The following PLCE1 variants were observed in gnomAD, a reference collection of about 807,000 sequenced individuals.
PLCE1 encodes phospholipase C epsilon 1.
PLCE1 carries 119 observed loss-of-function variants against 242.8 expected under a neutral mutation model. The ratio of observed to expected loss-of-function variants is 0.49; its 90% CI spans 0.42 to 0.57. PLCE1 has a LOEUF of 0.57. Ranked by LOEUF, PLCE1 falls within the 20% of genes least tolerant of loss-of-function variation. The probability of loss-of-function intolerance (pLI) is 0.00; values close to 1 mark genes in which losing one functional copy is unlikely to be tolerated. For missense variants in PLCE1, 2,441 were observed against 2,788.8 expected (o/e 0.88, Z 2.81); for synonymous variants, 945 against 1,017.4 (o/e 0.93, Z 1.35).
At position 93,997,322 on chromosome 10, in the gene PLCE1, A is replaced by G. The variant is rs545477460; in HGVS notation, c.-365+3064A>G. 9.9e-4 allele frequency among the ~76,000 whole-genome samples: 151 copies of G among 152,358 alleles called. 1 individual carries two copies. The highest frequency in any genetic ancestry group is 3.6e-3 in the African/African-American group (149 of 41,592). On this transcript the variant is annotated intron_variant, in intron 1 of 32. Transcript: ENST00000371380. ...TATGGGCATATTTTATTTGCTGCAG[A>G]TACCATTGAAAGTGTTATGTAAGAT...
At chr10:94,190,418 G>A (rs1426717936) in intron 4 of PLCE1, among the ~76,000 whole-genome samples, 1 of 152,166 alleles carries the variant, frequency 6.6e-6, no homozygotes, top group Admixed American at 6.5e-5. Flanking sequence ...AGACCAGCCT[G>A]GGAAAAACAG....
At chr10:94,253,483 A>G (rs536082283) in intron 9 of PLCE1, among the ~76,000 whole-genome samples, 1 of 152,190 alleles carries the variant, frequency 6.6e-6, no homozygotes, top group East Asian at 1.9e-4. Flanking sequence ...CCTGCCAAGT[A>G]TCTGGGACCA....
At chr10:94,175,343 C>T (rs1215178352) in intron 4 of PLCE1, among the ~76,000 whole-genome samples, 1 of 151,050 alleles carries the variant, frequency 6.6e-6, no homozygotes, top group Non-Finnish European at 1.5e-5. Flanking sequence ...TATCCAGTTT[C>T]CCATTATCTA....
Position 94,329,370 on chromosome 10 carries a change from A to G in PLCE1, c.*1427A>G, listed in dbSNP as rs2054129079. 1 of 152,220 alleles carries G rather than the reference A, an allele frequency of 6.6e-6. No individual in the cohort carries two copies. Among genetic ancestry groups the G allele is most frequent in the African/African-American group, 2.4e-5 (1 of 41,466 alleles). The allele number at this position is 152,220 out of a possible 1,614,324, so 9.4% of individuals were successfully genotyped here. On this transcript the variant is annotated 3_prime_UTR_variant, in exon 33 of 33. Transcript: ENST00000371380. The stretch of plus-strand genomic sequence containing the variant: ...TTTGAATTTTAAGACACTTTTCTTC[A>G]AATTACAAAACACTAAAACTCACTC...
intron 17 of PLCE1, 152 bp from the exon 18 acceptor site, chr10:94,270,334 A>G (rs2051681107): frequency 1.4e-6 from 1 of 732,244 alleles, no homozygotes; most frequent in South Asian, 1.4e-5. Flanking sequence ...AAATGGCCTT[A>G]TCCTCATGCT....
At chr10:94,312,465 T>G (rs2053416753) in intron 27 of PLCE1, among the ~76,000 whole-genome samples, 1 of 152,218 alleles carries the variant, frequency 6.6e-6, no homozygotes, top group Non-Finnish European at 1.5e-5. Flanking sequence ...TTCATACACA[T>G]GTTACGTCAA....
chr10:94,251,073 A>G (rs1399402882), intron 8 of PLCE1, among the ~76,000 whole-genome samples: 1 of 152,184 alleles, frequency 6.6e-6, no homozygotes, highest in African/African-American at 2.4e-5. Context: ...ATCATTGGTC[A>G]AAGGAGGATA....
At position 94,308,783 on chromosome 10, in the gene PLCE1, G is replaced by A. The variant is rs184439372; in HGVS notation, c.6003+84G>A. The A allele has an allele frequency of 1.7e-3, 1,451 of 866,520 alleles. 21 individuals carry two copies. Among genetic ancestry groups the A allele is most frequent in the Non-Finnish European group, 1.5e-4 (76 of 500,850 alleles). 53.7% of individuals were successfully genotyped at this position (866,520 alleles called of 1,614,324 possible). A position where few individuals can be genotyped will look rare whatever the true frequency, so the allele number is the denominator to read the frequency against. ...TTTTTTGTGGCCCAGCAAAGTGGTC[G>A]GTGTGAGTTATTAATTAGGTAGCTA... On this transcript the variant is annotated intron_variant, in intron 27 of 32. Transcript: ENST00000371380.
chr10:94,328,247 A>T lies in PLCE1; in HGVS notation c.*304A>T, dbSNP rs899629411. 8.2e-6 allele frequency: 2 copies of T among 243,508 alleles called. No individual in the cohort carries two copies. Among genetic ancestry groups the T allele is most frequent in the Admixed American group, 9.3e-5 (2 of 21,538 alleles). 15.1% of individuals were successfully genotyped at this position (243,508 alleles called of 1,614,324 possible). Reference sequence around the variant, plus strand: ...TCAGCAAGCTTGTCTGTAAAGGGCCAAACAGTAAATATTTTAGGGCTGGGG... The same window carrying T: ...TCAGCAAGCTTGTCTGTAAAGGGCCTAACAGTAAATATTTTAGGGCTGGGG... On this transcript the variant is annotated 3_prime_UTR_variant, in exon 33 of 33. Transcript: ENST00000371380.
At chr10:94,063,387 C>A (rs1366343859) in intron 2 of PLCE1, among the ~76,000 whole-genome samples, 1 of 152,182 alleles carries the variant, frequency 6.6e-6, no homozygotes, top group African/African-American at 2.4e-5. Flanking sequence ...AAGGCCCTTG[C>A]TATCGCATTG....
chr10:94,244,630 T>C (rs1460557444), intron 7 of PLCE1, among the ~76,000 whole-genome samples: 3 of 152,230 alleles, frequency 2.0e-5, no homozygotes, highest in African/African-American at 7.2e-5. Context: ...AATCTAAGGT[T>C]GAGTCCAGGA....
intron 13 of PLCE1, among the ~76,000 whole-genome samples, chr10:94,259,739 C>T (rs912156971): frequency 1.2e-4 from 18 of 152,208 alleles, no homozygotes; most frequent in African/African-American, 3.1e-4. Context: ...AACCCTTTCC[C>T]GACTATATTA....
At chr10:94,311,073 G>T (rs2053372361) in intron 27 of PLCE1, among the ~76,000 whole-genome samples, 1 of 152,182 alleles carries the variant, frequency 6.6e-6, no homozygotes. Flanking sequence ...CTCATGGAAG[G>T]ATGCATGGAA....
At chr10:94,146,846 T>G in intron 3 of PLCE1, among the ~76,000 whole-genome samples, 1 of 152,230 alleles carries the variant, frequency 6.6e-6, no homozygotes. Context: ...ATGTGTACCA[T>G]ACTATATTTT....
intron 1 of PLCE1, among the ~76,000 whole-genome samples, chr10:94,008,661 T>G (rs536497792): frequency 1.3e-5 from 2 of 152,318 alleles, no homozygotes; most frequent in South Asian, 4.1e-4. Context: ...ATGCCTTGTT[T>G]CCAACTTTTA....
chr10:94,219,742 A>C (rs1468493153), intron 4 of PLCE1, among the ~76,000 whole-genome samples: 4 of 152,222 alleles, frequency 2.6e-5, no homozygotes, highest in Non-Finnish European at 5.9e-5. Flanking sequence ...CACATAGTAC[A>C]ATTGGATTGT....
At chr10:94,032,316 A>G in intron 2 of PLCE1, 64 bp downstream of exon 2, 2 of 1,443,100 alleles carry the variant, frequency 1.4e-6, no homozygotes, top group Non-Finnish European at 1.9e-6. Flanking sequence ...AAAAAAGTCC[A>G]AATTTCCATT....
intron 7 of PLCE1, among the ~76,000 whole-genome samples, chr10:94,240,581 G>A (rs542208102): frequency 3.9e-5 from 6 of 152,036 alleles, no homozygotes; most frequent in South Asian, 4.2e-4. Flanking sequence ...TTAAATTTAC[G>A]CTTGTTTGTC....
At chr10:94,226,355 A>C (rs992015993) in intron 4 of PLCE1, among the ~76,000 whole-genome samples, 3 of 152,220 alleles carry the variant, frequency 2.0e-5, no homozygotes, top group Admixed American at 6.5e-5. Context: ...CCCTAAGTTC[A>C]AACCTAGGCT....
Sources: gnomAD v4.1 joint callset for allele counts (sites outside exome capture counted in the v4.1 genomes callset) on GRCh38, gnomAD v4.1.1 for gene constraint, MANE v1.5 for transcripts, NCBI Gene and HGNC (gene_info 2026-07-23, HGNC 2026-07-21) for gene names.